Variants in CAPN13 observed in about 807,000 individuals in gnomAD.
The protein encoded by CAPN13 is calpain 13.
A neutral mutation model predicts 98.4 loss-of-function variants in CAPN13; 90 were observed. The ratio of observed to expected loss-of-function variants is 0.92; its 90% CI spans 0.77 to 1.09. The LOEUF is 1.09. CAPN13 is among the 50% of genes least tolerant of loss of function. The pLI is 0.00. For missense variants in CAPN13, 887 were observed against 841.3 expected, an observed-to-expected ratio of 1.05 and a Z score of -0.67; for synonymous variants, 330 against 305.5, an observed-to-expected ratio of 1.08 and a Z score of -0.84.
At chr2:30,798,003 A>G (rs1204295234) in intron 1 of CAPN13, among the ~76,000 whole-genome samples, 2 of 152,234 alleles carry the variant, frequency 1.3e-5, no homozygotes, top group African/African-American at 4.8e-5. Flanking sequence ...AAGGAAGAAC[A>G]TGTGATCTGT....
Position 30,726,229 on chromosome 2 carries a change from A to C in CAPN13, c.*31-2993T>G, listed in dbSNP as rs1159862503. ...GTTAACTCAGCCAGCTACAAATAGAAGTGAACTTCCTCAACCTGGCAAATG... is the reference window on the plus strand; with the variant it reads ...GTTAACTCAGCCAGCTACAAATAGACGTGAACTTCCTCAACCTGGCAAATG... On this transcript the variant is annotated intron_variant, in intron 22 of 22. Coordinates refer to ENST00000295055, the MANE Select transcript of CAPN13 (RefSeq NM_144575.3). 2.6e-5 allele frequency among the ~76,000 whole-genome samples: 4 copies of C among 152,222 alleles called. No individual in the cohort carries two copies. The East Asian group carries it at 7.7e-4, about 29-fold the overall frequency.
chr2:30,730,805 C>T lies in CAPN13; in HGVS notation c.1984-19G>A, dbSNP rs765308384. The T allele has an allele frequency of 2.6e-6, 2 of 780,876 alleles. No individual in the cohort carries two copies. The allele number at this position is 780,876 out of a possible 1,614,324, so 48.4% of individuals were successfully genotyped here. ...TCATCCACTGAAAAATAAGCATCAT[C>T]ATTACAACAATTCTTTACACTTGTT... On this transcript the variant is annotated intron_variant, in intron 21 of 22. Transcript: ENST00000295055.
At chr2:30,798,796 G>A (rs1675021879) in intron 1 of CAPN13, among the ~76,000 whole-genome samples, 1 of 152,120 alleles carries the variant, frequency 6.6e-6, no homozygotes, top group South Asian at 2.1e-4. Context: ...CCACAACAGT[G>A]TTCCAGCAAA....
rs752891629 is a variant in CAPN13, at chr2:30,736,540, T to C, written c.1685A>G (p.Glu562Gly). ...LKVNGRLDQE[E>G]FARLWKRLVH... ...AAGGCGCTTCCACAGTCGCGCAAAC[T>C]CCTCTTGGTCTAGCCGCCCATTCAC... The change falls in exon 18 of 23, where the codon GAG (glutamate) becomes GGG (glycine). Residue 562 changes from glutamate (E) to glycine (G), a missense_variant. Coordinates refer to ENST00000295055, the MANE Select transcript of CAPN13 (RefSeq NM_144575.3). 3 of 1,613,788 alleles carry C rather than the reference T, an allele frequency of 1.9e-6. No homozygotes were observed. Among genetic ancestry groups the C allele is most frequent in the Non-Finnish European group, 2.5e-6 (3 of 1,179,878 alleles).
In CAPN13 at chr2:30,755,713, C is replaced by A. The variant is rs552336774; in HGVS notation, c.867-1349G>T. Among the ~76,000 whole-genome samples, 3 of 152,316 alleles carry A rather than the reference C, an allele frequency of 2.0e-5. No individual in the cohort carries two copies. In the East Asian group the frequency reaches 5.8e-4, roughly 29 times the overall value. ...AGCCTGGGTCCCCTCTGTGCTAGGA[C>A]AGCAAGGCAGGGGCCACCACTCAGG... On this transcript the variant is annotated intron_variant, in intron 8 of 22. Coordinates refer to ENST00000295055, the MANE Select transcript of CAPN13 (RefSeq NM_144575.3).
In CAPN13 at chr2:30,775,991, C is replaced by T. The variant is rs748545670; in HGVS notation, c.326G>A (p.Arg109Lys). 2.5e-6 allele frequency: 4 copies of T among 1,613,218 alleles called. No individual in the cohort carries two copies. Among genetic ancestry groups the T allele is most frequent in the Non-Finnish European group, 3.4e-6 (4 of 1,179,530 alleles). ...LGSLTQNPQY[R>K]QKILMVQSFS... ...GCTTTGGACCATCAGGATCTTCTGC[C>T]TGTACTGTGGGTTCTGAGTCAAGGA... The change falls in exon 4 of 23, where the codon AGG (arginine) becomes AAG (lysine). Residue 109 changes from arginine to lysine, a missense_variant. Transcript: ENST00000295055.
intron 2 of CAPN13, among the ~76,000 whole-genome samples, chr2:30,786,584 T>C (rs1674295015): frequency 6.6e-6 from 1 of 152,172 alleles, no homozygotes; most frequent in African/African-American, 2.4e-5. Context: ...ATTTTAAAGT[T>C]AATGTCTAAA....
At chr2:30,743,798 C>T (rs1292973873) in intron 12 of CAPN13, 5 of 669,520 alleles carry the variant, frequency 7.5e-6, no homozygotes, top group East Asian at 5.7e-5. Context: ...CAAGGAAATA[C>T]CACACACAGT....
At chr2:30,780,045 A>AT (rs1673908754) in intron 2 of CAPN13, among the ~76,000 whole-genome samples, 1 of 152,180 alleles carries the variant, frequency 6.6e-6, no homozygotes, top group Admixed American at 6.5e-5. Flanking sequence ...AAATCTGATG[A>AT]TTTTTTGACA....
At chr2:30,788,801 T>C (rs577737277) in intron 1 of CAPN13, among the ~76,000 whole-genome samples, 118 of 152,168 alleles carry the variant, frequency 7.8e-4, no homozygotes, top group Non-Finnish European at 1.3e-3. Context: ...ATAGCACAAA[T>C]TCATAGACAG....
chr2:30,745,316 A>G, intron 12 of CAPN13: 1 of 483,650 alleles, frequency 2.1e-6, no homozygotes, highest in Middle Eastern at 3.2e-4. Context: ...ATGTACCTTG[A>G]AGCTGCATTT....
At chr2:30,798,837 A>G (rs1308420352) in intron 1 of CAPN13, among the ~76,000 whole-genome samples, 1 of 152,170 alleles carries the variant, frequency 6.6e-6, no homozygotes, top group African/African-American at 2.4e-5. Context: ...CTCAAATTAA[A>G]ACTAACAGAG....
intron 5 of CAPN13, 113 bp from the exon 6 acceptor site, chr2:30,764,419 C>T: frequency 4.2e-6 from 5 of 1,182,450 alleles, no homozygotes; most frequent in Non-Finnish European, 5.9e-6. Context: ...GCCTGGTCCA[C>T]TCCTGATCAT....
chr2:30,758,784 CCCTTT>C lies in CAPN13; in HGVS notation c.775-652_775-648del, dbSNP rs1375927265. 7.5e-3 allele frequency among the ~76,000 whole-genome samples: 530 copies of C among 70,486 alleles called. 6 individuals carry two copies. Among genetic ancestry groups the C allele is most frequent in the African/African-American group, 0.036 (487 of 13,692 alleles). 46.2% of individuals were successfully genotyped at this position (70,486 alleles called of 152,430 possible). A position where few individuals can be genotyped will look rare whatever the true frequency, so the allele number is the denominator to read the frequency against. On this transcript the variant is annotated intron_variant, in intron 7 of 22. Coordinates refer to ENST00000295055, the MANE Select transcript of CAPN13 (RefSeq NM_144575.3). ...TCTTTCCTTTCCTTCCTCCCTCCCT[CCCTTT>C]CCTTTCCTTCCTCCCTCCCTTCCCT...
chr2:30,760,538 G>A (rs1035520933), intron 7 of CAPN13, among the ~76,000 whole-genome samples: 2 of 152,182 alleles, frequency 1.3e-5, no homozygotes, highest in South Asian at 2.1e-4. Flanking sequence ...GGGAATCGCC[G>A]ACTGAGCTAG....
intron 4 of CAPN13, among the ~76,000 whole-genome samples, chr2:30,771,872 T>A (rs1231406377): frequency 6.6e-6 from 1 of 152,146 alleles, no homozygotes; most frequent in Non-Finnish European, 1.5e-5. Flanking sequence ...GTGATTAGGA[T>A]TAGATGAGAT....
chr2:30,803,589 A>C (rs1246921829), intron 1 of CAPN13, among the ~76,000 whole-genome samples: 1 of 152,158 alleles, frequency 6.6e-6, no homozygotes, highest in Non-Finnish European at 1.5e-5. Flanking sequence ...TTAACCCCAG[A>C]GTCCTGGCTG....
rs528438583 is a variant in CAPN13 at position 30,731,184 on chromosome 2, G to A, written c.1983+160C>T. 4.0e-4 allele frequency among the ~76,000 whole-genome samples: 61 copies of A among 152,302 alleles called. 1 individual carries two copies. The highest frequency in any genetic ancestry group is 6.2e-4 in the Non-Finnish European group (42 of 68,022). The stretch of plus-strand genomic sequence containing the variant: ...TGCCAAGATCCTAAAGCAGCCTGGC[G>A]GCCAGCGATATATAAGGCAGTAATT... On this transcript the variant is annotated intron_variant, in intron 21 of 22. Transcript: ENST00000295055.
At chr2:30,758,000 A>G (rs751667800) in intron 8 of CAPN13, 46 bp downstream of exon 8, 2 of 1,463,726 alleles carry the variant, frequency 1.4e-6, no homozygotes, top group Non-Finnish European at 1.8e-6. Context: ...CTCTACCGAC[A>G]CCAAGCGCTC....
Sources: allele counts gnomAD v4.1 joint callset (sites outside exome capture counted in the v4.1 genomes callset), GRCh38; gene constraint gnomAD v4.1.1; transcripts MANE v1.5; gene names NCBI Gene and HGNC (gene_info 2026-07-23, HGNC 2026-07-21).